The following ATAD2 variants were observed in gnomAD, a reference collection of about 807,000 sequenced individuals.
The protein encoded by ATAD2 is ATPase family AAA domain-containing protein 2.
ATAD2 carries 62 observed loss-of-function variants against 168.9 expected under a neutral mutation model. That is an observed-to-expected ratio of 0.37 (90% CI 0.30 to 0.45). The LOEUF (loss-of-function observed/expected upper bound fraction) is 0.45, where lower values mean the gene tolerates loss of function less well. ATAD2 is among the 20% of genes least tolerant of loss of function. The pLI is 1.00. For missense variants in ATAD2, 1,419 were observed against 1,667.8 expected (o/e 0.85, Z 2.60); for synonymous variants, 613 against 571.6 (o/e 1.07, Z -1.03).
chr8:123,401,498 G>A (rs1812999539), intron 1 of ATAD2: 1 of 1,570,278 alleles, frequency 6.4e-7, no homozygotes, highest in Non-Finnish European at 8.7e-7. Context: ...CAGCAGCCCA[G>A]GCCAAGAACC....
At chr8:123,409,802 G>A (rs898667750) in intron 1 of ATAD2, among the ~76,000 whole-genome samples, 5 of 151,834 alleles carry the variant, frequency 3.3e-5, no homozygotes, top group Non-Finnish European at 5.9e-5. Flanking sequence ...CGGGTGTCGT[G>A]GCACACATCT....
At chr8:123,324,749 G>C (rs996549980) in intron 26 of ATAD2, among the ~76,000 whole-genome samples, 4 of 152,176 alleles carry the variant, frequency 2.6e-5, no homozygotes, top group Non-Finnish European at 5.9e-5. Flanking sequence ...ATTTAACAAA[G>C]GCAAGTATTA....
chr8:123,335,950 A>C (rs1303173761), intron 22 of ATAD2, among the ~76,000 whole-genome samples: 1 of 151,986 alleles, frequency 6.6e-6, no homozygotes, highest in African/African-American at 2.4e-5. Flanking sequence ...TACTACTAGT[A>C]AGCCCTATAT....
chr8:123,394,263 T>C (rs1360505305), intron 1 of ATAD2, among the ~76,000 whole-genome samples: 6 of 152,192 alleles, frequency 3.9e-5, no homozygotes, highest in African/African-American at 1.4e-4. Context: ...ATTTAACAAG[T>C]GTAGAAACCT....
rs145620970 is a variant in ATAD2 at position 123,370,039 on chromosome 8, T to A, written c.728-15A>T. 4,332 of 1,596,464 alleles carry A rather than the reference T, an allele frequency of 2.7e-3. 181 individuals carry two copies. In the Admixed American group the frequency reaches 0.068, roughly 25 times the overall value. On this transcript the variant is annotated splice_polypyrimidine_tract_variant and intron_variant, in intron 6 of 27. Transcript: ENST00000287394. The stretch of plus-strand genomic sequence containing the variant: ...TTCAGATGACTCTACAATTAAGAGA[T>A]CCTTACTTCCAGAAAGATACTCAGC...
chr8:123,383,168 G>A (rs1274559018), intron 1 of ATAD2, among the ~76,000 whole-genome samples: 1 of 152,014 alleles, frequency 6.6e-6, no homozygotes, highest in African/African-American at 2.4e-5. Flanking sequence ...ACACAGAGAG[G>A]GGAACACCAT....
chr8:123,362,583 CTTTT>C (rs112206477), intron 8 of ATAD2, among the ~76,000 whole-genome samples: 2 of 143,496 alleles, frequency 1.4e-5, no homozygotes, highest in Non-Finnish European at 3.1e-5. Context: ...GCCCAGTTAA[CTTTT>C]TTTTTTTTTC....
At chr8:123,360,835 T>G (rs1404437910) in intron 9 of ATAD2, among the ~76,000 whole-genome samples, 2 of 150,718 alleles carry the variant, frequency 1.3e-5, no homozygotes, top group African/African-American at 2.5e-5. Flanking sequence ...GAAAATCAAA[T>G]AAGCTGGTTA....
intron 20 of ATAD2, 64 bp downstream of exon 20, chr8:123,339,247 C>T: frequency 7.5e-7 from 1 of 1,330,652 alleles, no homozygotes; most frequent in South Asian, 1.5e-5. Flanking sequence ...ATGTCAATGC[C>T]ATTAACTATT....
At chr8:123,380,076 C>T (rs1829449694) in intron 2 of ATAD2, among the ~76,000 whole-genome samples, 1 of 151,318 alleles carries the variant, frequency 6.6e-6, no homozygotes. Flanking sequence ...TTTTTTGAGA[C>T]AGTCTCGCTC....
intron 16 of ATAD2, 90 bp downstream of exon 16, chr8:123,347,001 TC>T: frequency 3.0e-6 from 4 of 1,349,020 alleles, no homozygotes; most frequent in Non-Finnish European, 4.0e-6. Flanking sequence ...TTCAAGAGAT[TC>T]TTTTACAAAT....
At chr8:123,397,826 A>G (rs1322228839), upstream of ATAD2, among the ~76,000 whole-genome samples, 1 of 152,128 alleles carries the variant, frequency 6.6e-6, no homozygotes, top group Non-Finnish European at 1.5e-5. Context: ...GAAGAGTGCA[A>G]TTTAAAATAG....
At position 123,361,583 on chromosome 8, in the gene ATAD2, G is replaced by A. The variant is rs1421342850; in HGVS notation, c.1113C>T (p.His371=). ...GACTCCTTTTCCTCCGCCTCTCAAA[G>A]TGCTGTTCATCTTCAGAGGAGGAAG... ...TSSSSSEDEQ[H]FERRRKRSRN... Residue 371 remains histidine, a synonymous_variant, in exon 9 of 28, where the codon CAC becomes CAT. Coordinates refer to ENST00000287394, the MANE Select transcript of ATAD2 (RefSeq NM_014109.4). 12 of 1,613,574 alleles carry A rather than the reference G, an allele frequency of 7.4e-6. No individual in the cohort carries two copies. Among genetic ancestry groups the A allele is most frequent in the Non-Finnish European group, 1.0e-5 (12 of 1,179,660 alleles).
At chr8:123,401,647 G>A in intron 1 of ATAD2, 1 of 841,106 alleles carries the variant, frequency 1.2e-6, no homozygotes, top group East Asian at 2.5e-5. Flanking sequence ...ACTTTGGTGT[G>A]CCCATCATAG....
intron 24 of ATAD2, among the ~76,000 whole-genome samples, chr8:123,329,660 G>A (rs375859219): frequency 6.7e-6 from 1 of 149,350 alleles, no homozygotes; most frequent in East Asian, 2.0e-4. Context: ...CTACTCGCAG[G>A]AGAATGGTGT....
At chr8:123,380,863 C>T in intron 1 of ATAD2, 186 bp from the exon 2 acceptor site, 1 of 587,094 alleles carries the variant, frequency 1.7e-6, no homozygotes, top group South Asian at 2.2e-5. Context: ...CAAATATCAG[C>T]AATGTCTATG....
chr8:123,325,887 AC>A lies in ATAD2; in HGVS notation c.4002+5del. ...AGTAAAAGCATTATGATTTCAATTT[AC>A]ATACTTTTAATCGCTCATGATCCAC... On this transcript the variant is annotated splice_donor_5th_base_variant and intron_variant, in intron 26 of 27. Coordinates refer to ENST00000287394, the MANE Select transcript of ATAD2 (RefSeq NM_014109.4). The A allele has an allele frequency of 6.2e-7, 1 of 1,613,522 alleles. No homozygotes were observed. The highest frequency in any genetic ancestry group is 2.2e-5 in the East Asian group (1 of 44,880).
rs1289477061 is a variant in ATAD2 at position 123,325,934 on chromosome 8, G to C, written c.3961C>G (p.Gln1321Glu). 6.2e-7 allele frequency: 1 copy of C among 1,614,152 alleles called. No individual in the cohort carries two copies. Among genetic ancestry groups the C allele is most frequent in the Admixed American group, 1.7e-5 (1 of 60,018 alleles). ...TVEKALAILS[Q>E]PTPSLVVDHE... ...TCCACAACAAGTGAGGGTGTAGGCT[G>C]AGAAAGAATTGCCAAAGCCTTTTCA... The change falls in exon 26 of 28, where the codon CAG becomes GAG. Residue 1321 changes from glutamine to glutamate, a missense_variant. Physicochemically the swap from Gln to Glu is conservative, Grantham distance 29. Transcript: ENST00000287394.
At chr8:123,410,771 CTGCTGTT>C (rs1283634706) in intron 1 of ATAD2, among the ~76,000 whole-genome samples, 2 of 152,190 alleles carry the variant, frequency 1.3e-5, no homozygotes, top group African/African-American at 4.8e-5. Flanking sequence ...CCGTCCACCA[CTGCTGTT>C]TGCTGCCGTG....
Sources: gnomAD v4.1 joint callset for allele counts (sites outside exome capture counted in the v4.1 genomes callset) on GRCh38, gnomAD v4.1.1 for gene constraint, MANE v1.5 for transcripts, NCBI Gene and HGNC (gene_info 2026-07-23, HGNC 2026-07-21) for gene names.